EVPL: variants seen among roughly 807,000 people sequenced by gnomAD.
EVPL encodes envoplakin.
Under a neutral mutation model 129.7 loss-of-function variants are expected in EVPL, and 94 were observed. The observed-to-expected ratio is 0.72, with a 90% CI of 0.61 to 0.86. EVPL has a LOEUF of 0.86. Ranked by LOEUF, EVPL falls within the 40% of genes least tolerant of loss-of-function variation. EVPL has a pLI of 0.00. For missense variants in EVPL, 2,625 were observed against 2,721.1 expected (o/e 0.96, Z 0.79); for synonymous variants, 1,172 against 1,191.1 (o/e 0.98, Z 0.33).
chr17:76,008,837 C>T lies in EVPL; in HGVS notation c.4368G>A (p.Val1456=). The T allele has an allele frequency of 6.2e-7, 1 of 1,614,100 alleles. No individual in the cohort carries two copies. The highest frequency in any genetic ancestry group is 8.5e-7 in the Non-Finnish European group (1 of 1,180,016). ...IQELEKRPPT[V]QEKIIMEEVV... is the part of the protein sequence containing the mutation. The stretch of plus-strand genomic sequence containing the variant: ...CTTCCTCCATGATGATCTTCTCCTG[C>T]ACCGTGGGAGGCCGCTTCTCGAGCT... Residue 1456 remains valine (V), a synonymous_variant, in exon 22 of 22, where the codon GTG becomes GTA. Coordinates refer to ENST00000301607, the MANE Select transcript of EVPL (RefSeq NM_001988.4). This position sits in a 1 kb window ranked among gnomAD's most constrained non-coding sequence, Gnocchi z 7.4.
Position 76,008,112 on chromosome 17 carries a change from G to T in EVPL, c.5093C>A (p.Ser1698Tyr), listed in dbSNP as rs1567906036. ...GCCCCTCTTGTAGGCCTCGTATGGG[G>T]ACATGTCCTTCCCCGTCTCGGGTTC... Reference protein sequence around the residue: ...ILEPETGKDMSPYEAYKRGII... With the variant: ...ILEPETGKDMYPYEAYKRGII... Residue 1698 changes from serine to tyrosine, a missense_variant, in exon 22 of 22, where the codon TCC (serine) becomes TAC (tyrosine). Ser to Tyr is a moderately radical substitution (Grantham distance 144, BLOSUM62 -2). Transcript: ENST00000301607. The surrounding 1 kb of genome is among the most constrained non-coding windows in gnomAD (Gnocchi z 7.4). 1 of 1,614,122 alleles carries T rather than the reference G, an allele frequency of 6.2e-7. No homozygotes were observed. Among genetic ancestry groups the T allele is most frequent in the Non-Finnish European group, 8.5e-7 (1 of 1,180,016 alleles).
intron 18 of EVPL, chr17:76,012,383 C>A: frequency 3.2e-6 from 1 of 316,824 alleles, no homozygotes; most frequent in Non-Finnish European, 5.8e-6. Flanking sequence ...TCACAGCAGC[C>A]TCCTGGGTTC....
In EVPL at chr17:76,008,452, G is replaced by A. The variant is rs997021420; in HGVS notation, c.4753C>T (p.Arg1585Trp). 13 of 1,592,790 alleles carry A rather than the reference G, an allele frequency of 8.2e-6. No homozygotes were observed. In the East Asian group the frequency reaches 1.4e-4, roughly 17 times the overall value. The change falls in exon 22 of 22, where the codon CGG becomes TGG. Residue 1585 changes from arginine (R) to tryptophan (W), a missense_variant. Transcript: ENST00000301607. The surrounding 1 kb of genome is among the most constrained non-coding windows in gnomAD (Gnocchi z 7.4). ...CCACACTCCTGGTCGGCCTGGTCCC[G>A]GGCCCTCTGCAGCTCGGACTCCTCC... The part of the protein sequence containing the change: ...SREESELQRA[R>W]DQADQECGRL...
chr17:76,010,674 C>T (rs1455896596), intron 21 of EVPL, 131 bp from the exon 22 acceptor site: 2 of 974,554 alleles, frequency 2.1e-6, no homozygotes, highest in African/African-American at 1.6e-5. Flanking sequence ...GAGCTGAAGA[C>T]CTAAGATGCT....
At chr17:76,020,856 C>T (rs1341642702) in intron 9 of EVPL, among the ~76,000 whole-genome samples, 1 of 151,914 alleles carries the variant, frequency 6.6e-6, no homozygotes, top group Non-Finnish European at 1.5e-5. Flanking sequence ...CACACCTGGC[C>T]CCCACGAAAT....
In EVPL at chr17:76,023,275, G is replaced by A. The variant is rs60346043; in HGVS notation, c.480+17C>T. On this transcript the variant is annotated intron_variant, in intron 4 of 21. Coordinates refer to ENST00000301607, the MANE Select transcript of EVPL (RefSeq NM_001988.4). ...TCGCCCTCTGATCACACTGGGGTGT[G>A]ACTTTGAGTTCCTGACCTGTTTCTG... 63,102 of 1,613,458 alleles carry A rather than the reference G, an allele frequency of 0.039. 2,205 individuals are homozygous for A. The highest frequency in any genetic ancestry group is 0.17 in the African/African-American group (13,092 of 74,960).
rs768062468 is a variant in EVPL at position 76,007,067 on chromosome 17, AAC to A, written c.*34_*35del. On this transcript the variant is annotated 3_prime_UTR_variant, in exon 22 of 22. Coordinates refer to ENST00000301607, the MANE Select transcript of EVPL (RefSeq NM_001988.4). The surrounding 1 kb of genome is among the most constrained non-coding windows in gnomAD (Gnocchi z 8.8). ...GAGGTGTACGTATCCTACCTGGCCC[AAC>A]ACACGCACTTCCCCACTGGCTCCTT... 5 of 1,422,370 alleles carry A rather than the reference AAC, an allele frequency of 3.5e-6. No individual in the cohort carries two copies. The highest frequency in any genetic ancestry group is 2.5e-4 in the Middle Eastern group (1 of 4,072). 88.1% of individuals were successfully genotyped at this position (1,422,370 alleles called of 1,614,324 possible). A position where few individuals can be genotyped will look rare whatever the true frequency, so the allele number is the denominator to read the frequency against.
Position 76,009,232 on chromosome 17 carries a change from C to A in EVPL, c.3973G>T (p.Val1325Leu), listed in dbSNP as rs574918697. The A allele has an allele frequency of 1.9e-6, 3 of 1,608,138 alleles. No homozygotes were observed. Among genetic ancestry groups the A allele is most frequent in the Non-Finnish European group, 2.5e-6 (3 of 1,179,912 alleles). ...KEVVRHEKDP[V>L]LEKEAERLRQ... The stretch of plus-strand genomic sequence containing the variant: ...AGCCGCTCTGCTTCTTTCTCCAGCA[C>A]CGGGTCCTTCTCGTGGCGCACCACC... The change falls in exon 22 of 22, where the codon GTG becomes TTG. Residue 1325 changes from valine (V) to leucine (L), a missense_variant. Around this residue, in one of 4 missense-constraint regions of EVPL, gnomAD observed 1,453 missense variants for 1,511.8 expected, o/e 0.96. Coordinates refer to ENST00000301607, the MANE Select transcript of EVPL (RefSeq NM_001988.4). This position sits in a 1 kb window ranked among gnomAD's most constrained non-coding sequence, Gnocchi z 5.9.
intron 11 of EVPL, 66 bp downstream of exon 11, chr17:76,018,848 G>A (rs2066437036): frequency 1.4e-6 from 2 of 1,467,000 alleles, no homozygotes; most frequent in Non-Finnish European, 1.8e-6. Flanking sequence ...GATGGGCTTG[G>A]GCAGGGGCAG....
At chr17:76,012,326 A>C in intron 18 of EVPL, 1 of 307,720 alleles carries the variant, frequency 3.2e-6, no homozygotes, top group Non-Finnish European at 5.5e-6. Context: ...TTTTTTTTTG[A>C]GACCAAGTCT....
At position 76,022,230 on chromosome 17, in the gene EVPL, G is replaced by A; in HGVS notation, c.607-3C>T. 6 of 1,613,268 alleles carry A rather than the reference G, an allele frequency of 3.7e-6. No homozygotes were observed. The highest frequency in any genetic ancestry group is 5.1e-6 in the Non-Finnish European group (6 of 1,179,880). On this transcript the variant is annotated splice_region_variant and splice_polypyrimidine_tract_variant and intron_variant, in intron 5 of 21. Coordinates refer to ENST00000301607, the MANE Select transcript of EVPL (RefSeq NM_001988.4). The surrounding 1 kb of genome is among the most constrained non-coding windows in gnomAD (Gnocchi z 5.6). Reference sequence around the variant, plus strand: ...TGGCTCCGGATGGTGGCTGCATCCTGCCTCGACCAAGGGGAGAAACAAGCC... The same window carrying A: ...TGGCTCCGGATGGTGGCTGCATCCTACCTCGACCAAGGGGAGAAACAAGCC...
Position 76,010,136 on chromosome 17 carries a change from C to T in EVPL, c.3069G>A (p.Glu1023=). Reference sequence around the variant, plus strand: ...CCTGGCTGTCCAGGCCGGGGTCCCTCTCCACCTGGGTGACCTCCTTGGTCA... The same window carrying T: ...CCTGGCTGTCCAGGCCGGGGTCCCTTTCCACCTGGGTGACCTCCTTGGTCA... ...HLLTKEVTQV[E]RDPGLDSQAA... Residue 1023 remains glutamate, a synonymous_variant, in exon 22 of 22, where the codon GAG becomes GAA. Coordinates refer to ENST00000301607, the MANE Select transcript of EVPL (RefSeq NM_001988.4). The T allele has an allele frequency of 1.2e-6, 2 of 1,614,134 alleles. No homozygotes were observed. The highest frequency in any genetic ancestry group is 1.7e-6 in the Non-Finnish European group (2 of 1,180,034).
Position 76,019,581 on chromosome 17 carries a change from G to A in EVPL, c.1084C>T (p.Pro362Ser). 1.9e-6 allele frequency: 3 copies of A among 1,602,652 alleles called. No homozygotes were observed. The African/African-American group carries it at 4.0e-5, about 22-fold the overall frequency. ...LNSNLDAKYS[P>S]APGGPPGAPT... ...GCGCCAGGGGGGCCCCCAGGTGCAG[G>A]GCTGTACTTGGCATCCAAGTTGGAG... The change falls in exon 10 of 22, where the codon CCT becomes TCT. Residue 362 changes from proline to serine, a missense_variant. Pro to Ser is a moderately conservative substitution (Grantham distance 74). Transcript: ENST00000301607.
chr17:76,018,672 C>A, intron 11 of EVPL, 72 bp from the exon 12 acceptor site: 1 of 1,489,356 alleles, frequency 6.7e-7, no homozygotes, highest in South Asian at 1.3e-5. Context: ...AGAGTAGGGG[C>A]TGGGGACAGA....
At chr17:76,025,982 C>T (rs1239180804) in intron 1 of EVPL, among the ~76,000 whole-genome samples, 1 of 152,252 alleles carries the variant, frequency 6.6e-6, no homozygotes, top group Non-Finnish European at 1.5e-5. Context: ...TGCTCTGTCA[C>T]CCAGGCTAGA....
Position 76,024,125 on chromosome 17 carries a change from T to G in EVPL, c.99-5A>C. The G allele has an allele frequency of 6.2e-7, 1 of 1,613,094 alleles. No individual in the cohort carries two copies. Among genetic ancestry groups the G allele is most frequent in the Middle Eastern group, 1.7e-4 (1 of 6,054 alleles). On this transcript the variant is annotated splice_region_variant and splice_polypyrimidine_tract_variant and intron_variant, in intron 1 of 21. Transcript: ENST00000301607. This position sits in a 1 kb window ranked among gnomAD's most constrained non-coding sequence, Gnocchi z 4.5. Reference sequence around the variant, plus strand: ...GCCAGCTCCTGGGTGGCAGCCCTAGTGTGTGGAGGGGACAGCGGGTAGCTC... The same window carrying G: ...GCCAGCTCCTGGGTGGCAGCCCTAGGGTGTGGAGGGGACAGCGGGTAGCTC...
chr17:76,019,001 G>A lies in EVPL; in HGVS notation c.1197C>T (p.Ser399=). 1 of 1,570,670 alleles carries A rather than the reference G, an allele frequency of 6.4e-7. No homozygotes were observed. Among genetic ancestry groups the A allele is most frequent in the East Asian group, 2.4e-5 (1 of 42,384 alleles). The change falls in exon 11 of 22, where the codon AGC becomes AGT. Residue 399 remains serine, a synonymous_variant. Transcript: ENST00000301607. ...GCTGTGGCAGAGGGGCCACATCCCGGCTTCGCCGCTGCAGGTCCCCAGTGG... is the reference window on the plus strand; with the variant it reads ...GCTGTGGCAGAGGGGCCACATCCCGACTTCGCCGCTGCAGGTCCCCAGTGG... ...ERATGDLQRR[S]RDVAPLPQRR...
Position 76,011,583 on chromosome 17 carries a change from A to T in EVPL, c.2654T>A (p.Leu885Gln). Residue 885 changes from leucine to glutamine, a missense_variant, in exon 21 of 22, where the codon CTG becomes CAG. By Grantham distance (113) the Leu-to-Gln change is moderately radical (BLOSUM62 -2). Transcript: ENST00000301607. ...TAGGTGTTGTCTGTGTACCTTCTCC[A>T]GCATTTTTCTAGCAAACTCCAGCTG... ...LQQLEFARKM[L>Q]EKKELSEDIR... is the part of the protein sequence containing the mutation. The T allele has an allele frequency of 1.9e-6, 3 of 1,614,046 alleles. No homozygotes were observed. The East Asian group carries it at 6.7e-5, about 36-fold the overall frequency.
chr17:76,026,188 C>A (rs2066496947), intron 1 of EVPL, among the ~76,000 whole-genome samples: 2 of 151,806 alleles, frequency 1.3e-5, no homozygotes, highest in African/African-American at 4.8e-5. Context: ...AAGTGATCTA[C>A]CCGCCTCGGC....
Sources: allele counts gnomAD v4.1 joint callset (sites outside exome capture counted in the v4.1 genomes callset), GRCh38; gene constraint gnomAD v4.1.1; regional missense constraint gnomAD v4.1.1; non-coding constraint Gnocchi (gnomAD v3.1); transcripts MANE v1.5; gene names NCBI Gene and HGNC (gene_info 2026-07-23, HGNC 2026-07-21).